The following NOTCH2 variants were observed in gnomAD, a reference collection of about 807,000 sequenced individuals.
NOTCH2 encodes the protein notch receptor 2, also known as neurogenic locus notch homolog protein 2.
A neutral mutation model predicts 235.8 loss-of-function variants in NOTCH2; 29 were observed. That is an observed-to-expected ratio of 0.12 (90% CI 0.09 to 0.17). NOTCH2 has a LOEUF of 0.17. NOTCH2 is among the 10% of genes least tolerant of loss of function. The pLI, the probability that NOTCH2 is intolerant of heterozygous loss-of-function variation, is 1.00. For synonymous variants in NOTCH2, 1,086 were observed against 1,141.5 expected (o/e 0.95, Z 0.98); for missense variants, 2,285 against 3,150.2 (o/e 0.73, Z 6.57).
At position 119,930,776 on chromosome 1, in the gene NOTCH2, C is replaced by T. The variant is rs587747473; in HGVS notation, c.3656-1564G>A. 2.7e-5 allele frequency among the ~76,000 whole-genome samples: 4 copies of T among 148,468 alleles called. No individual in the cohort carries two copies. In the East Asian group the frequency reaches 6.0e-4, roughly 22 times the overall value. On this transcript the variant is annotated intron_variant, in intron 22 of 33. Transcript: ENST00000256646. ...CCTGGGCAACAGAGCAAGACTCTGTCTCAAAAAATAATAATAATCATAATT... is the reference window on the plus strand; with the variant it reads ...CCTGGGCAACAGAGCAAGACTCTGTTTCAAAAAATAATAATAATCATAATT...
At chr1:120,025,422 C>T (rs587650154) in intron 2 of NOTCH2, among the ~76,000 whole-genome samples, 1 of 152,046 alleles carries the variant, frequency 6.6e-6, no homozygotes, top group African/African-American at 2.4e-5. Flanking sequence ...GGAATAAGAA[C>T]CCTATCCCAT....
intron 4 of NOTCH2, among the ~76,000 whole-genome samples, chr1:119,987,547 T>G (rs2101186260): frequency 6.6e-6 from 1 of 151,710 alleles, no homozygotes; most frequent in East Asian, 1.9e-4. Context: ...GGGAAGGGAG[T>G]GGGGGAGGAT....
In NOTCH2 at chr1:119,923,830, C is replaced by G. The variant is rs1302668644; in HGVS notation, c.4666G>C (p.Glu1556Gln). Residue 1556 changes from glutamate to glutamine, a missense_variant, in exon 26 of 34, where the codon GAA (glutamate) becomes CAA (glutamine). Glu to Gln is a conservative substitution (Grantham distance 29). Coordinates refer to ENST00000256646, the MANE Select transcript of NOTCH2 (RefSeq NM_024408.4). ...TLVIVVLMPP[E>Q]QLLQDARSFL... ...CTGCGAGCATCCTGGAGCAGTTGTT[C>G]AGGTGGCATCAATACCACAATAACC... The G allele has an allele frequency of 6.2e-7, 1 of 1,614,030 alleles. No individual in the cohort carries two copies. Among genetic ancestry groups the G allele is most frequent in the African/African-American group, 1.3e-5 (1 of 74,898 alleles).
intron 17 of NOTCH2, among the ~76,000 whole-genome samples, chr1:119,944,713 A>C (rs1650193194): frequency 6.6e-6 from 1 of 152,166 alleles, no homozygotes; most frequent in African/African-American, 2.4e-5. Flanking sequence ...TGCAAGGAAG[A>C]AGATAATAGG....
intron 2 of NOTCH2, among the ~76,000 whole-genome samples, chr1:120,007,379 C>A (rs587757411): frequency 0.05 from 7,017 of 140,368 alleles, 260 homozygotes; most frequent in Non-Finnish European, 0.077. Flanking sequence ...ATGTAAAAAA[C>A]CTTATAAATG....
In NOTCH2 at chr1:119,968,118, T is replaced by C. The variant is rs1487875537; in HGVS notation, c.1223A>G (p.Lys408Arg). ...CACATCTTCTGTGCAGTCAGCCCCT[T>C]TGTAGCCTTGTGGGCAGGTGCAAAT... ...QYICTCPQGYKGADCTEDVDE... is the reference protein window; with the variant it reads ...QYICTCPQGYRGADCTEDVDE... Residue 408 changes from lysine (K) to arginine (R), a missense_variant, in exon 7 of 34, where the codon AAA becomes AGA. By Grantham distance (26) the Lys-to-Arg change is conservative. Transcript: ENST00000256646. 4.3e-6 allele frequency: 7 copies of C among 1,613,994 alleles called. No homozygotes were observed. Among genetic ancestry groups the C allele is most frequent in the East Asian group, 2.2e-5 (1 of 44,894 alleles).
At chr1:119,949,164 G>T (rs782789021) in intron 15 of NOTCH2, 38 bp from the exon 16 acceptor site, 3 of 1,613,410 alleles carry the variant, frequency 1.9e-6, no homozygotes, top group Non-Finnish European at 2.5e-6. Context: ...CAGATAAACA[G>T]GTAAGAAAAC....
intron 4 of NOTCH2, among the ~76,000 whole-genome samples, chr1:119,988,030 T>C (rs1652087873): frequency 6.6e-6 from 1 of 152,200 alleles, no homozygotes; most frequent in Admixed American, 6.5e-5. Context: ...CATTCTCCTA[T>C]TTGAAATATA....
At chr1:119,918,612 T>A in intron 31 of NOTCH2, 59 bp from the exon 32 acceptor site, 1 of 1,573,652 alleles carries the variant, frequency 6.4e-7, no homozygotes, top group Non-Finnish European at 8.7e-7. Flanking sequence ...ATAATGAAAC[T>A]CAGTGAAGAA....
chr1:119,959,894 T>C (rs1650870287), intron 11 of NOTCH2, among the ~76,000 whole-genome samples: 1 of 152,228 alleles, frequency 6.6e-6, no homozygotes, highest in Admixed American at 6.5e-5. Context: ...AGTGGCTTTG[T>C]TGGAAGTTAA....
chr1:119,919,522 G>A lies in NOTCH2; in HGVS notation c.5571C>T (p.Asn1857=), dbSNP rs1176437402. Residue 1857 remains asparagine (N), a synonymous_variant, in exon 31 of 34, where the codon AAC becomes AAT. Transcript: ENST00000256646. ...EDEDAEDSSA[N]IITDLVYQGA... ...CCTGGTAGACCAAGTCTGTGATGAT[G>A]TTAGCAGAAGAGTCCTCTGCATCTT... 1.2e-6 allele frequency: 2 copies of A among 1,614,038 alleles called. No individual in the cohort carries two copies. Among genetic ancestry groups the A allele is most frequent in the South Asian group, 2.2e-5 (2 of 91,082 alleles).
chr1:120,066,068 TATC>T (rs1553217028), intron 1 of NOTCH2, among the ~76,000 whole-genome samples: 1 of 151,974 alleles, frequency 6.6e-6, no homozygotes, highest in African/African-American at 2.4e-5. Context: ...GAATTTATTA[TATC>T]ATCTAAATAT....
At chr1:119,969,963 T>C (rs1651296265) in intron 5 of NOTCH2, among the ~76,000 whole-genome samples, 1 of 152,174 alleles carries the variant, frequency 6.6e-6, no homozygotes, top group Non-Finnish European at 1.5e-5. Context: ...TTACTACCGT[T>C]AGAAACTCTA....
intron 5 of NOTCH2, among the ~76,000 whole-genome samples, chr1:119,983,966 A>C (rs781919693): frequency 4.6e-5 from 7 of 152,102 alleles, no homozygotes; most frequent in African/African-American, 7.2e-5. Context: ...TTCTCACCTC[A>C]CTACTCCAAC....
chr1:119,983,360 G>A (rs996931353), intron 5 of NOTCH2, among the ~76,000 whole-genome samples: 2 of 151,726 alleles, frequency 1.3e-5, no homozygotes, highest in African/African-American at 2.4e-5. Context: ...GCCATGTTAC[G>A]CAGGCTGTTC....
intron 12 of NOTCH2, among the ~76,000 whole-genome samples, chr1:119,957,870 AC>A (rs1557821632): frequency 6.7e-6 from 1 of 149,966 alleles, no homozygotes; most frequent in African/African-American, 2.4e-5. Context: ...ACACACACAC[AC>A]ACACACACAC....
chr1:119,973,939 G>A (rs1175607746), intron 5 of NOTCH2, among the ~76,000 whole-genome samples: 2 of 152,056 alleles, frequency 1.3e-5, no homozygotes, highest in Admixed American at 6.5e-5. Flanking sequence ...CTTTGACTTC[G>A]AGTATGAATT....
intron 25 of NOTCH2, 45 bp from the exon 26 acceptor site, chr1:119,924,029 A>G (rs1217952429): frequency 6.7e-7 from 1 of 1,485,536 alleles, no homozygotes; most frequent in East Asian, 2.3e-5. Flanking sequence ...CTCAGATTAG[A>G]CTGGAGCTCT....
Position 119,914,568 on chromosome 1 carries a change from G to A in NOTCH2, c.*738C>T, listed in dbSNP as rs1206068912. On this transcript the variant is annotated 3_prime_UTR_variant, in exon 34 of 34. Transcript: ENST00000256646. ...TGCCCCCAAAATTTGTTGAAGAAAA[G>A]TATTCTTCTCCCCTTCTCTCTCCAG... is the stretch of plus-strand genomic sequence containing the variant. 5 of 233,538 alleles carry A rather than the reference G, an allele frequency of 2.1e-5. No homozygotes were observed. The highest frequency in any genetic ancestry group is 4.2e-5 in the Non-Finnish European group (5 of 118,384). The allele number at this position is 233,538 out of a possible 1,614,324, so 14.5% of individuals were successfully genotyped here. A position where few individuals can be genotyped will look rare whatever the true frequency, so the allele number is the denominator to read the frequency against.
Sources: gnomAD v4.1 joint callset for allele counts (sites outside exome capture counted in the v4.1 genomes callset) on GRCh38, gnomAD v4.1.1 for gene constraint, MANE v1.5 for transcripts, NCBI Gene and HGNC (gene_info 2026-07-23, HGNC 2026-07-21) for gene names.